The following DAP3 variants were observed in gnomAD, a reference collection of about 807,000 sequenced individuals.
DAP3 encodes small ribosomal subunit protein mS29.
A neutral mutation model predicts 51.9 loss-of-function variants in DAP3; 28 were observed. The observed-to-expected ratio is 0.54, with a 90% CI of 0.40 to 0.74. The LOEUF is 0.74. Among genes scored for constraint, DAP3 ranks in the 30% least tolerant of loss-of-function variants. DAP3 has a pLI of 0.00. For synonymous variants in DAP3, 170 were observed against 170.3 expected (o/e 1.00, Z 0.01); for missense variants, 458 against 483.5 (o/e 0.95, Z 0.49).
At position 155,728,943 on chromosome 1, in the gene DAP3, ACTC is replaced by A. The variant is rs1377572912; in HGVS notation, c.604-96_604-94del. 5.6e-6 allele frequency: 6 copies of A among 1,066,482 alleles called. No individual in the cohort carries two copies. In the East Asian group the frequency reaches 7.2e-5, roughly 13 times the overall value. 66.1% of individuals were successfully genotyped at this position (1,066,482 alleles called of 1,614,324 possible). ...GAACCTGAACAATAGATTAAAATGA[ACTC>A]CTGTTAACCTTAGCCTCCAACCTTT... On this transcript the variant is annotated intron_variant, in intron 7 of 12. Coordinates refer to ENST00000368336, the MANE Select transcript of DAP3 (RefSeq NM_004632.4).
intron 11 of DAP3, among the ~76,000 whole-genome samples, chr1:155,734,580 A>G (rs1008372340): frequency 6.6e-6 from 1 of 152,110 alleles, no homozygotes; most frequent in Non-Finnish European, 1.5e-5. Flanking sequence ...TTCTCCAAAG[A>G]GCATTGGCTT....
At position 155,725,417 on chromosome 1, in the gene DAP3, G is replaced by A. The variant is rs574083836; in HGVS notation, c.306G>A (p.Arg102=). The A allele has an allele frequency of 1.2e-6, 2 of 1,614,054 alleles. No individual in the cohort carries two copies. The highest frequency in any genetic ancestry group is 8.5e-7 in the Non-Finnish European group (1 of 1,180,026). ...TCAGTGAAGCTTGCCTGATGGTAAGGAAACCAGCCCTAGAACTTCTGCATT... is the reference window on the plus strand; with the variant it reads ...TCAGTGAAGCTTGCCTGATGGTAAGAAAACCAGCCCTAGAACTTCTGCATT... ...KTFSEACLMV[R]KPALELLHYL... The change falls in exon 5 of 13, where the codon AGG becomes AGA. Residue 102 remains arginine (R), a synonymous_variant. Transcript: ENST00000368336.
chr1:155,688,505 G>C, upstream of DAP3: 1 of 1,547,846 alleles, frequency 6.5e-7, no homozygotes, highest in Non-Finnish European at 8.7e-7. Flanking sequence ...AGTGTCTACG[G>C]GCTCGTCGCT....
At chr1:155,735,522 A>G (rs942047632) in intron 11 of DAP3, among the ~76,000 whole-genome samples, 1 of 151,810 alleles carries the variant, frequency 6.6e-6, no homozygotes, top group Middle Eastern at 3.2e-3. Context: ...GGTTGCAGTG[A>G]GCCGAGATCG....
intron 1 of DAP3, among the ~76,000 whole-genome samples, chr1:155,696,741 A>G (rs959520763): frequency 3.3e-5 from 5 of 152,246 alleles, no homozygotes; most frequent in African/African-American, 1.2e-4. Flanking sequence ...AAGTTTGACA[A>G]ACTGTGGAAC....
At chr1:155,715,272 A>G (rs1265842258) in intron 2 of DAP3, among the ~76,000 whole-genome samples, 1 of 151,612 alleles carries the variant, frequency 6.6e-6, no homozygotes, top group Non-Finnish European at 1.5e-5. Context: ...CTATCATCCC[A>G]GCACTTTGGG....
chr1:155,729,400 T>G, intron 9 of DAP3, 34 bp downstream of exon 9: 1 of 1,608,014 alleles, frequency 6.2e-7, no homozygotes, highest in Non-Finnish European at 8.5e-7. Context: ...CTTGTTTCTC[T>G]GATTTCTGAT....
rs1335360160 is a variant in DAP3, at chr1:155,689,876, C to T, written c.-8+702C>T. Among the ~76,000 whole-genome samples the T allele has an allele frequency of 3.3e-5, 5 of 151,448 alleles. No individual in the cohort carries two copies. In the East Asian group the frequency reaches 5.8e-4, roughly 18 times the overall value. ...GCAGTGAGCCGAGATCGCGCCACTG[C>T]ACTCCAGCCTGGCGACAAAGCGAGA... On this transcript the variant is annotated intron_variant, in intron 1 of 12. Coordinates refer to ENST00000368336, the MANE Select transcript of DAP3 (RefSeq NM_004632.4).
chr1:155,711,574 GA>G (rs962150165), intron 2 of DAP3, among the ~76,000 whole-genome samples: 3 of 142,008 alleles, frequency 2.1e-5, no homozygotes, highest in Admixed American at 7.3e-5. Context: ...GTTGGTGAGA[GA>G]AAGTTTTGTT....
In DAP3 at chr1:155,731,997, C is replaced by G; in HGVS notation, c.957C>G (p.Pro319=). ...GCCAGACTGGGTCTCTCTTTAAGCC[C>G]CGGAAAGCCTATCTGCCCCAGGAGT... ...ALSQTGSLFK[P]RKAYLPQELL... The change falls in exon 11 of 13, where the codon CCC becomes CCG. Residue 319 remains proline, a synonymous_variant. Transcript: ENST00000368336. 2 of 1,611,704 alleles carry G rather than the reference C, an allele frequency of 1.2e-6. No individual in the cohort carries two copies. Among genetic ancestry groups the G allele is most frequent in the East Asian group, 4.5e-5 (2 of 44,702 alleles).
intron 4 of DAP3, 31 bp from the exon 5 acceptor site, chr1:155,725,351 C>T: frequency 6.2e-7 from 1 of 1,602,160 alleles, no homozygotes; most frequent in Non-Finnish European, 8.6e-7. Context: ...TCCACACCCA[C>T]CCACTCTTTC....
intron 3 of DAP3, among the ~76,000 whole-genome samples, 200 bp from the exon 4 acceptor site, chr1:155,721,317 A>T (rs1482928272): frequency 6.6e-6 from 1 of 151,636 alleles, no homozygotes; most frequent in Admixed American, 6.6e-5. Flanking sequence ...GGGTGACAAA[A>T]GTAAAACTCC....
Position 155,738,133 on chromosome 1 carries a change from T to TA in DAP3, c.1112-23dup, listed in dbSNP as rs529382903. 252 of 1,613,050 alleles carry TA rather than the reference T, an allele frequency of 1.6e-4. 2 individuals carry two copies. In the African/African-American group the frequency reaches 3.0e-3, roughly 19 times the overall value. The stretch of plus-strand genomic sequence containing the variant: ...AGTGCAGCAGGAGGAAACTGCCACT[T>TA]ACCTGTGTTTGTCTCCATTTTAGCT... On this transcript the variant is annotated intron_variant, in intron 12 of 12. Transcript: ENST00000368336.
chr1:155,727,770 T>A (rs1271585936), intron 7 of DAP3, 32 bp downstream of exon 7: 1 of 1,609,368 alleles, frequency 6.2e-7, no homozygotes, highest in East Asian at 2.2e-5. Context: ...GAGTGCTAGG[T>A]AGTCCTTACA....
At chr1:155,703,767 G>T (rs925788696) in intron 1 of DAP3, among the ~76,000 whole-genome samples, 7 of 152,208 alleles carry the variant, frequency 4.6e-5, no homozygotes, top group African/African-American at 1.4e-4. Context: ...TCGATCTTCT[G>T]ACCTCGTGAT....
intron 1 of DAP3, chr1:155,689,543 T>C: frequency 2.5e-6 from 1 of 393,662 alleles, no homozygotes. Context: ...CAGCAAGTTA[T>C]TTTTGTTAGT....
chr1:155,719,209 T>C (rs1450369907), intron 3 of DAP3, among the ~76,000 whole-genome samples: 10 of 149,582 alleles, frequency 6.7e-5, no homozygotes, highest in African/African-American at 2.2e-4. Context: ...CTAGGCAACA[T>C]AGCAAGACCC....
upstream of DAP3, chr1:155,688,278 C>T (rs772288098): frequency 2.1e-5 from 33 of 1,590,212 alleles, no homozygotes; most frequent in Middle Eastern, 1.7e-4. Context: ...GATCCCGCAA[C>T]CGACACTGGG....
intron 1 of DAP3, among the ~76,000 whole-genome samples, chr1:155,700,541 G>A (rs1299613318): frequency 1.3e-5 from 2 of 151,260 alleles, no homozygotes; most frequent in African/African-American, 4.9e-5. Context: ...CCCCCGCCCG[G>A]CCAGCCGCCC....
Sources: allele counts gnomAD v4.1 joint callset (sites outside exome capture counted in the v4.1 genomes callset), GRCh38; gene constraint gnomAD v4.1.1; transcripts MANE v1.5; gene names NCBI Gene and HGNC (gene_info 2026-07-23, HGNC 2026-07-21).